Variants in OSBPL10 observed in about 807,000 individuals in gnomAD.
The protein encoded by OSBPL10 is oxysterol binding protein like 10, also known as oxysterol-binding protein-related protein 10.
In OSBPL10, 49 loss-of-function variants were observed where a neutral mutation model predicts 81.7. That is an observed-to-expected ratio of 0.60 (90% CI 0.48 to 0.76). The LOEUF is 0.76. Among genes scored for constraint, OSBPL10 ranks in the 30% least tolerant of loss-of-function variants. The pLI is 0.00. For missense variants in OSBPL10, 923 were observed against 987.8 expected (o/e 0.93, Z 0.88); for synonymous variants, 419 against 383.6 (o/e 1.09, Z -1.08).
intron 3 of OSBPL10, among the ~76,000 whole-genome samples, chr3:31,863,746 G>A (rs1934075714): frequency 6.6e-6 from 1 of 152,028 alleles, no homozygotes; most frequent in Non-Finnish European, 1.5e-5. Context: ...CATTTTGCTT[G>A]TTACTCATGA....
Position 31,661,862 on chromosome 3 carries a change from C to T in OSBPL10, c.*210G>A, listed in dbSNP as rs1700078145. ...TGTGTGAACGTATACGGTGTGTACA[C>T]ACACGTGCCCCGAATGGCTCTTGAA... On this transcript the variant is annotated 3_prime_UTR_variant, in exon 12 of 12. Transcript: ENST00000396556. The T allele has an allele frequency of 1.6e-6, 1 of 624,496 alleles. No homozygotes were observed. Among genetic ancestry groups the T allele is most frequent in the Non-Finnish European group, 2.7e-6 (1 of 372,900 alleles). 38.7% of individuals were successfully genotyped at this position (624,496 alleles called of 1,614,324 possible).
At chr3:31,724,856 G>C (rs142928713) in intron 6 of OSBPL10, among the ~76,000 whole-genome samples, 9 of 152,316 alleles carry the variant, frequency 5.9e-5, no homozygotes, top group African/African-American at 2.2e-4. Flanking sequence ...TTGCAAGACA[G>C]ACAGGAGGAG....
rs149640170 is a variant in OSBPL10 at position 31,954,290 on chromosome 3, T to C, written c.281+26609A>G. ...TTAAATGGCCTCTAAGCCCCTCAAC[T>C]CTAATCCTCTACAAAGAGCCTTTGT... On this transcript the variant is annotated intron_variant, in intron 1 of 11. Transcript: ENST00000396556. Among the ~76,000 whole-genome samples, 38 of 152,236 alleles carry C rather than the reference T, an allele frequency of 2.5e-4. No individual in the cohort carries two copies. In the East Asian group the frequency reaches 6.8e-3, roughly 27 times the overall value.
chr3:31,917,972 G>C (rs551214701), intron 1 of OSBPL10, among the ~76,000 whole-genome samples: 1 of 152,064 alleles, frequency 6.6e-6, no homozygotes, highest in South Asian at 2.1e-4. Flanking sequence ...GAAACTAAGT[G>C]AGGTTAATCA....
intron 4 of OSBPL10, among the ~76,000 whole-genome samples, chr3:31,776,914 C>A (rs1698563704): frequency 6.6e-6 from 1 of 151,966 alleles, no homozygotes; most frequent in Non-Finnish European, 1.5e-5. Flanking sequence ...TGGAATTGTT[C>A]ACTTTAAAAT....
chr3:32,023,737 G>A (rs1025076594), intron 2 of OSBPL10, among the ~76,000 whole-genome samples: 14 of 152,048 alleles, frequency 9.2e-5, no homozygotes, highest in African/African-American at 2.4e-4. Context: ...TCTTCTCATC[G>A]GCAAGGGATA....
At chr3:31,859,435 A>G (rs1211193019) in intron 3 of OSBPL10, among the ~76,000 whole-genome samples, 2 of 152,178 alleles carry the variant, frequency 1.3e-5, no homozygotes, top group African/African-American at 2.4e-5. Context: ...CCTTTATAAT[A>G]AACTGGTAAA....
At chr3:31,824,387 G>T (rs1473612608) in intron 4 of OSBPL10, among the ~76,000 whole-genome samples, 2 of 152,154 alleles carry the variant, frequency 1.3e-5, no homozygotes, top group Non-Finnish European at 2.9e-5. Flanking sequence ...CTTGACGTGA[G>T]TCTCTATTGT....
At chr3:31,794,961 T>TTTACAG (rs1699148362) in intron 4 of OSBPL10, 1 of 326,638 alleles carries the variant, frequency 3.1e-6, no homozygotes, top group Non-Finnish European at 6.2e-6. Context: ...GTAAAGTCCA[T>TTTACAG]GTGTCACAGG....
chr3:31,955,172 G>A (rs1442909608), intron 1 of OSBPL10, among the ~76,000 whole-genome samples: 2 of 152,186 alleles, frequency 1.3e-5, no homozygotes, highest in South Asian at 2.1e-4. Flanking sequence ...AAAGAAAAAA[G>A]GAAAGATGAC....
chr3:32,018,195 A>T (rs971664017), intron 2 of OSBPL10, among the ~76,000 whole-genome samples: 2 of 149,342 alleles, frequency 1.3e-5, no homozygotes, highest in African/African-American at 4.9e-5. Flanking sequence ...AATAAATAAA[A>T]TGTCAAAAAT....
At chr3:31,932,029 G>A (rs1030740119) in intron 1 of OSBPL10, among the ~76,000 whole-genome samples, 3 of 151,912 alleles carry the variant, frequency 2.0e-5, no homozygotes, top group Non-Finnish European at 2.9e-5. Context: ...GCAATACAGC[G>A]AGACTCTGTC....
At chr3:31,755,036 C>T (rs1241117434) in intron 4 of OSBPL10, among the ~76,000 whole-genome samples, 1 of 152,094 alleles carries the variant, frequency 6.6e-6, no homozygotes, top group Non-Finnish European at 1.5e-5. Flanking sequence ...CATTTCAGAG[C>T]CATTGTGGTA....
chr3:31,926,946 C>T (rs1393860230), intron 1 of OSBPL10, among the ~76,000 whole-genome samples: 1 of 151,988 alleles, frequency 6.6e-6, no homozygotes, highest in Non-Finnish European at 1.5e-5. Context: ...CCTGTCTCTA[C>T]TAAAAATATA....
intron 2 of OSBPL10, among the ~76,000 whole-genome samples, chr3:32,012,162 CA>C (rs1699266436): frequency 6.6e-6 from 1 of 151,924 alleles, no homozygotes; most frequent in South Asian, 2.1e-4. Flanking sequence ...AAAGTTGAAA[CA>C]AAGGAAAAAA....
At chr3:31,884,589 T>A (rs886340621) in intron 1 of OSBPL10, among the ~76,000 whole-genome samples, 3 of 152,184 alleles carry the variant, frequency 2.0e-5, no homozygotes, top group African/African-American at 7.2e-5. Flanking sequence ...TCCCACAGGG[T>A]CATGGCTTTG....
chr3:31,997,371 C>T (rs1474693797), intron 2 of OSBPL10, among the ~76,000 whole-genome samples: 2 of 151,446 alleles, frequency 1.3e-5, no homozygotes, highest in African/African-American at 2.4e-5. Context: ...TTCAAGGGAT[C>T]CTCGTGCCTC....
intron 4 of OSBPL10, among the ~76,000 whole-genome samples, chr3:31,799,469 C>T (rs2125446630): frequency 6.6e-6 from 1 of 151,444 alleles, no homozygotes; most frequent in East Asian, 2.0e-4. Flanking sequence ...AATATCAGCT[C>T]CACATTATCT....
intron 5 of OSBPL10, among the ~76,000 whole-genome samples, chr3:31,740,139 G>C (rs935472700): frequency 6.6e-6 from 1 of 150,458 alleles, no homozygotes; most frequent in South Asian, 2.1e-4. Flanking sequence ...TGCCTCCCAT[G>C]TTCAAGTGAT....
Sources: gnomAD v4.1 joint callset for allele counts (sites outside exome capture counted in the v4.1 genomes callset) on GRCh38, gnomAD v4.1.1 for gene constraint, MANE v1.5 for transcripts, NCBI Gene and HGNC (gene_info 2026-07-23, HGNC 2026-07-21) for gene names.